Variants in VPS26A observed in about 807,000 individuals in gnomAD.
VPS26A encodes VPS26 retromer complex component A.
VPS26A carries 22 observed loss-of-function variants against 42.4 expected under a neutral mutation model. That is an observed-to-expected ratio of 0.52 (90% CI 0.37 to 0.74). The LOEUF is 0.74. VPS26A is among the 30% of genes least tolerant of loss of function. The probability of loss-of-function intolerance (pLI) is 0.00; values close to 1 mark genes in which losing one functional copy is unlikely to be tolerated. For synonymous variants in VPS26A, 110 were observed against 123.5 expected, an observed-to-expected ratio of 0.89 and a Z score of 0.73; for missense variants, 276 against 379.2, an observed-to-expected ratio of 0.73 and a Z score of 2.26.
intron 7 of VPS26A, among the ~76,000 whole-genome samples, chr10:69,166,676 CTT>C (rs1399536249): frequency 6.6e-6 from 1 of 152,154 alleles, no homozygotes; most frequent in Non-Finnish European, 1.5e-5. Context: ...CTCTAAAACT[CTT>C]TGAGCTAGGT....
At chr10:69,125,172 T>C (rs953227417) in intron 1 of VPS26A, among the ~76,000 whole-genome samples, 3 of 152,328 alleles carry the variant, frequency 2.0e-5, no homozygotes, top group Non-Finnish European at 4.4e-5. Context: ...GCTCACTGAT[T>C]CAATAGACTG....
intron 6 of VPS26A, among the ~76,000 whole-genome samples, chr10:69,165,570 C>T (rs998553661): frequency 6.6e-6 from 1 of 152,066 alleles, no homozygotes; most frequent in African/African-American, 2.4e-5. Context: ...CTTTGGGAGG[C>T]TGAAGCGGGC....
intron 7 of VPS26A, 53 bp from the exon 8 acceptor site, chr10:69,168,436 T>G (rs1352812480): frequency 2.5e-6 from 4 of 1,574,978 alleles, no homozygotes; most frequent in South Asian, 2.3e-5. Context: ...CTACCTGTTA[T>G]GTGACTATAT....
intron 1 of VPS26A, among the ~76,000 whole-genome samples, chr10:69,127,337 A>C (rs1346453531): frequency 1.3e-5 from 2 of 151,014 alleles, no homozygotes; most frequent in Non-Finnish European, 3.0e-5. Context: ...GCGGATCACG[A>C]GGTCAGGAGA....
chr10:69,171,354 A>AG lies in VPS26A; in HGVS notation c.*90dup. The AG allele has an allele frequency of 7.7e-7, 1 of 1,292,076 alleles. No individual in the cohort carries two copies. The highest frequency in any genetic ancestry group is 1.1e-6 in the Non-Finnish European group (1 of 920,890). 80.0% of individuals were successfully genotyped at this position (1,292,076 alleles called of 1,614,324 possible). A position where few individuals can be genotyped will look rare whatever the true frequency, so the allele number is the denominator to read the frequency against. On this transcript the variant is annotated 3_prime_UTR_variant, in exon 9 of 9. Transcript: ENST00000263559. ...GCAGGTTAAAGATGGTTGCAGCTGG[A>AG]GGGGGCGGAAAAAGGCCAAAACTCC...
chr10:69,151,865 A>G (rs893504550), intron 2 of VPS26A, among the ~76,000 whole-genome samples: 5 of 152,212 alleles, frequency 3.3e-5, no homozygotes, highest in Admixed American at 2.0e-4. Context: ...ATTATAGTTC[A>G]AATTACTGCA....
chr10:69,124,243 A>C lies in VPS26A; in HGVS notation c.-35A>C. 1 of 1,284,714 alleles carries C rather than the reference A, an allele frequency of 7.8e-7. No homozygotes were observed. The highest frequency in any genetic ancestry group is 9.9e-7 in the Non-Finnish European group (1 of 1,010,628). The allele number at this position is 1,284,714 out of a possible 1,614,324, so 79.6% of individuals were successfully genotyped here. The stretch of plus-strand genomic sequence containing the variant: ...CTGGGAGTTCTCCTGAGGGAAGAGG[A>C]GTGGAGTAGGGGGGACGCGGCGGCG... On this transcript the variant is annotated 5_prime_UTR_variant, in exon 1 of 9. Coordinates refer to ENST00000263559, the MANE Select transcript of VPS26A (RefSeq NM_004896.5).
intron 2 of VPS26A, chr10:69,133,715 C>G: frequency 1.4e-6 from 1 of 719,500 alleles, no homozygotes; most frequent in Non-Finnish European, 2.1e-6. Flanking sequence ...TAGGGTCTCA[C>G]TCTGTTGCTC....
At chr10:69,130,333 G>A (rs1019261091) in intron 1 of VPS26A, among the ~76,000 whole-genome samples, 3 of 152,200 alleles carry the variant, frequency 2.0e-5, no homozygotes, top group Non-Finnish European at 4.4e-5. Context: ...AGGAAGTCAA[G>A]GAAGGTCTCA....
chr10:69,166,101 C>A lies in VPS26A; in HGVS notation c.718C>A (p.Pro240Thr). 9 of 1,613,812 alleles carry A rather than the reference C, an allele frequency of 5.6e-6. No homozygotes were observed. The highest frequency in any genetic ancestry group is 7.6e-6 in the Non-Finnish European group (9 of 1,179,850). Residue 240 changes from proline to threonine, a missense_variant, in exon 7 of 9, where the codon CCA becomes ACA. Pro to Thr is a conservative substitution (Grantham distance 38, BLOSUM62 -1). Coordinates refer to ENST00000263559, the MANE Select transcript of VPS26A (RefSeq NM_004896.5). ...IAKYEIMDGA[P>T]VKGESIPIRL... Reference sequence around the variant, plus strand: ...CAAATATGAAATAATGGATGGTGCACCAGTAAAAGGTAACACACTTTTCAG... The same window carrying A: ...CAAATATGAAATAATGGATGGTGCAACAGTAAAAGGTAACACACTTTTCAG...
chr10:69,125,864 A>G (rs1283200349), intron 1 of VPS26A, among the ~76,000 whole-genome samples: 1 of 152,178 alleles, frequency 6.6e-6, no homozygotes, highest in East Asian at 1.9e-4. Context: ...GTGGGGACTA[A>G]AAAGTTGCCT....
intron 1 of VPS26A, among the ~76,000 whole-genome samples, chr10:69,124,894 T>TA (rs1399554533): frequency 6.6e-6 from 1 of 152,250 alleles, no homozygotes; most frequent in Non-Finnish European, 1.5e-5. Flanking sequence ...CCCGCCGTTT[T>TA]AAGCATTGGC....
intron 5 of VPS26A, 140 bp downstream of exon 5, chr10:69,158,351 A>AT: frequency 1.4e-6 from 1 of 738,584 alleles, no homozygotes. Context: ...GCTAAAAGAA[A>AT]TTTTAGGAGT....
At chr10:69,151,276 A>AAAAAAAAAAAAAAAAAAAAAAAAAC (rs1554854511) in intron 2 of VPS26A, among the ~76,000 whole-genome samples, 2 of 69,128 alleles carry the variant, frequency 2.9e-5, no homozygotes, top group African/African-American at 7.9e-5. Context: ...AAAAAAAAAA[A>AAAAAAAAAAAAAAAAAAAAAAAAAC]AAAAAAACAC....
rs760876559 is a variant in VPS26A, at chr10:69,162,394, C to T, written c.552-12C>T. Reference sequence around the variant, plus strand: ...AAACTGATATTTAGTGAGATATGTTCTTCCCCAATAGGTATCATTTAAAGG... The same window carrying T: ...AAACTGATATTTAGTGAGATATGTTTTTCCCCAATAGGTATCATTTAAAGG... On this transcript the variant is annotated splice_polypyrimidine_tract_variant and intron_variant, in intron 5 of 8. Coordinates refer to ENST00000263559, the MANE Select transcript of VPS26A (RefSeq NM_004896.5). 2 of 1,325,368 alleles carry T rather than the reference C, an allele frequency of 1.5e-6. No individual in the cohort carries two copies. Among genetic ancestry groups the T allele is most frequent in the East Asian group, 4.7e-5 (2 of 42,990 alleles). 82.1% of individuals were successfully genotyped at this position (1,325,368 alleles called of 1,614,324 possible).
chr10:69,141,869 T>C (rs2132202879), intron 2 of VPS26A, among the ~76,000 whole-genome samples: 1 of 152,292 alleles, frequency 6.6e-6, no homozygotes, highest in East Asian at 1.9e-4. Flanking sequence ...TCTGAAGTTC[T>C]TCATAATGAT....
chr10:69,146,322 T>G (rs773772763), intron 2 of VPS26A, among the ~76,000 whole-genome samples: 1 of 152,182 alleles, frequency 6.6e-6, no homozygotes, highest in Non-Finnish European at 1.5e-5. Context: ...TCTGACCTTA[T>G]GATCTGCCCA....
At position 69,166,119 on chromosome 10, in the gene VPS26A, C is replaced by T. The variant is rs1456203374; in HGVS notation, c.727+9C>T. The T allele has an allele frequency of 1.2e-6, 2 of 1,612,184 alleles. No homozygotes were observed. The highest frequency in any genetic ancestry group is 1.1e-5 in the South Asian group (1 of 90,810). Reference sequence around the variant, plus strand: ...TGGTGCACCAGTAAAAGGTAACACACTTTTCAGTTACTTCTTTTGTATAGT... The same window carrying T: ...TGGTGCACCAGTAAAAGGTAACACATTTTTCAGTTACTTCTTTTGTATAGT... On this transcript the variant is annotated intron_variant, in intron 7 of 8. Coordinates refer to ENST00000263559, the MANE Select transcript of VPS26A (RefSeq NM_004896.5).
intron 4 of VPS26A, 86 bp downstream of exon 4, chr10:69,157,249 T>C: frequency 6.9e-7 from 1 of 1,441,708 alleles, no homozygotes; most frequent in Non-Finnish European, 9.3e-7. Flanking sequence ...CCTCTAATTA[T>C]AATTCTGTAT....
Sources: gnomAD v4.1 joint callset for allele counts (sites outside exome capture counted in the v4.1 genomes callset) on GRCh38, gnomAD v4.1.1 for gene constraint, MANE v1.5 for transcripts, NCBI Gene and HGNC (gene_info 2026-07-23, HGNC 2026-07-21) for gene names.